Variants in GRIP1 observed in about 807,000 individuals in gnomAD.
GRIP1 encodes glutamate receptor interacting protein 1, also known as glutamate receptor-interacting protein 1.
GRIP1 carries 45 observed loss-of-function variants against 129.9 expected under a neutral mutation model. The ratio of observed to expected loss-of-function variants is 0.35; its 90% CI spans 0.27 to 0.44. The LOEUF is 0.44. GRIP1 is among the 20% of genes least tolerant of loss of function. The pLI is 1.00. For missense variants in GRIP1, 1,196 were observed against 1,396.8 expected, an observed-to-expected ratio of 0.86 and a Z score of 2.29; for synonymous variants, 530 against 520.8, an observed-to-expected ratio of 1.02 and a Z score of -0.24.
intron 1 of GRIP1, among the ~76,000 whole-genome samples, chr12:66,949,991 T>C (rs761972455): frequency 6.6e-6 from 1 of 151,924 alleles, no homozygotes; most frequent in Non-Finnish European, 1.5e-5. Flanking sequence ...TTAGCCAAGA[T>C]GGTCTCAATC....
chr12:66,712,863 T>C (rs1010880489), intron 1 of GRIP1, among the ~76,000 whole-genome samples: 3 of 151,992 alleles, frequency 2.0e-5, no homozygotes, highest in Admixed American at 6.6e-5. Context: ...AATAATGAGT[T>C]TTGCTTGCGT....
intron 1 of GRIP1, among the ~76,000 whole-genome samples, chr12:66,764,350 T>C (rs1291938753): frequency 6.6e-6 from 1 of 152,220 alleles, no homozygotes; most frequent in Non-Finnish European, 1.5e-5. Context: ...AGCTACTGGA[T>C]CATCACGTTC....
chr12:66,535,921 A>G (rs1592507356), intron 4 of GRIP1, among the ~76,000 whole-genome samples: 1 of 152,158 alleles, frequency 6.6e-6, no homozygotes, highest in East Asian at 1.9e-4. Flanking sequence ...TTCCTCTTGC[A>G]TGTCAAATAG....
At chr12:66,733,981 A>G (rs566820326) in intron 1 of GRIP1, among the ~76,000 whole-genome samples, 33 of 151,724 alleles carry the variant, frequency 2.2e-4, no homozygotes, top group African/African-American at 8.0e-4. Context: ...TGCTTTTTTC[A>G]GGAGAGAGGT....
At chr12:66,792,363 T>A (rs935600995) in intron 1 of GRIP1, among the ~76,000 whole-genome samples, 2 of 152,040 alleles carry the variant, frequency 1.3e-5, no homozygotes, top group Admixed American at 6.6e-5. Flanking sequence ...CACCCCCTTC[T>A]CCCAAGTAGC....
intron 23 of GRIP1, among the ~76,000 whole-genome samples, chr12:66,363,204 T>C (rs1333111343): frequency 3.4e-5 from 4 of 118,000 alleles, no homozygotes; most frequent in African/African-American, 1.3e-4. Flanking sequence ...TGTGTCCATA[T>C]ATATATATAT....
chr12:66,736,008 A>G (rs951599394), intron 1 of GRIP1, among the ~76,000 whole-genome samples: 1 of 152,108 alleles, frequency 6.6e-6, no homozygotes, highest in African/African-American at 2.4e-5. Flanking sequence ...AGAAGAAGAG[A>G]AGGTGAACAT....
intron 1 of GRIP1, among the ~76,000 whole-genome samples, chr12:66,638,296 G>C (rs1190869222): frequency 3.3e-5 from 5 of 152,102 alleles, no homozygotes; most frequent in Admixed American, 1.3e-4. Context: ...ACATATAACT[G>C]TTTTAGGTGT....
chr12:66,897,306 C>T (rs2040766757), intron 1 of GRIP1, among the ~76,000 whole-genome samples: 1 of 152,098 alleles, frequency 6.6e-6, no homozygotes, highest in African/African-American at 2.4e-5. Flanking sequence ...ATCACACTCC[C>T]CTACTTAGGG....
chr12:66,982,111 A>G (rs2042249078), intron 1 of GRIP1, among the ~76,000 whole-genome samples: 1 of 152,184 alleles, frequency 6.6e-6, no homozygotes, highest in Admixed American at 6.5e-5. Flanking sequence ...TTTGTTGAGA[A>G]AACAGAAGGT....
chr12:66,578,239 T>TTTTTTGG (rs2063215980), intron 2 of GRIP1, among the ~76,000 whole-genome samples: 1 of 133,532 alleles, frequency 7.5e-6, no homozygotes, highest in Admixed American at 8.8e-5. Context: ...GCGGTTTTTT[T>TTTTTTGG]TTTTTTTTTT....
At chr12:66,920,449 T>A (rs577485998) in intron 1 of GRIP1, among the ~76,000 whole-genome samples, 3 of 152,296 alleles carry the variant, frequency 2.0e-5, no homozygotes, top group Admixed American at 2.0e-4. Context: ...AGCAGCTGGA[T>A]GTTGTGAGAG....
Position 66,447,869 on chromosome 12 carries a change from C to G in GRIP1, c.1355-2361G>C, listed in dbSNP as rs189191981. ...CTTCCTGACTTCTAAAATCAGTGGCCTCATCTGCTCTAGCTGGCGACTGGC... is the reference window on the plus strand; with the variant it reads ...CTTCCTGACTTCTAAAATCAGTGGCGTCATCTGCTCTAGCTGGCGACTGGC... On this transcript the variant is annotated intron_variant, in intron 11 of 24. Transcript: ENST00000359742. 3.9e-4 allele frequency among the ~76,000 whole-genome samples: 60 copies of G among 152,324 alleles called. 1 individual carries two copies. The highest frequency in any genetic ancestry group is 1.3e-3 in the African/African-American group (56 of 41,570).
chr12:66,585,094 T>TG (rs1285777362), intron 2 of GRIP1, among the ~76,000 whole-genome samples: 1 of 147,938 alleles, frequency 6.8e-6, no homozygotes, highest in Non-Finnish European at 1.5e-5. Flanking sequence ...ATATACTTCT[T>TG]TTTTTTCCTT....
At chr12:66,911,812 C>T (rs533170784) in intron 1 of GRIP1, among the ~76,000 whole-genome samples, 13 of 152,216 alleles carry the variant, frequency 8.5e-5, no homozygotes, top group Non-Finnish European at 7.4e-5. Flanking sequence ...TGTGTCATCC[C>T]TTATTAACAA....
At chr12:66,588,988 TTAAA>T (rs71069012) in intron 2 of GRIP1, among the ~76,000 whole-genome samples, 7,813 of 145,742 alleles carry the variant, frequency 0.054, 476 homozygotes, top group African/African-American at 0.13. Context: ...AAAAAAAAAA[TTAAA>T]TAAATAAATA....
chr12:67,052,159 C>A (rs2043356840), intron 1 of GRIP1, among the ~76,000 whole-genome samples: 2 of 152,270 alleles, frequency 1.3e-5, no homozygotes, highest in South Asian at 4.2e-4. Flanking sequence ...TATTCATAAT[C>A]ATTTTTTCAA....
chr12:66,639,162 C>T (rs985567895), intron 1 of GRIP1, among the ~76,000 whole-genome samples: 2 of 151,884 alleles, frequency 1.3e-5, no homozygotes, highest in Non-Finnish European at 2.9e-5. Context: ...GTTAGGTATT[C>T]CTATTACTAT....
At chr12:66,728,507 G>A (rs984121384) in intron 1 of GRIP1, among the ~76,000 whole-genome samples, 1 of 152,126 alleles carries the variant, frequency 6.6e-6, no homozygotes, top group African/African-American at 2.4e-5. Context: ...AGAAGAACAC[G>A]CCCTTTCTCT....
Sources: allele counts gnomAD v4.1 joint callset (sites outside exome capture counted in the v4.1 genomes callset), GRCh38; gene constraint gnomAD v4.1.1; transcripts MANE v1.5; gene names NCBI Gene and HGNC (gene_info 2026-07-23, HGNC 2026-07-21).